PIP4K2A: variants seen among roughly 807,000 people sequenced by gnomAD.
PIP4K2A encodes the protein phosphatidylinositol 5-phosphate 4-kinase type-2 alpha.
A neutral mutation model predicts 42.9 loss-of-function variants in PIP4K2A; 14 were observed. The ratio of observed to expected loss-of-function variants is 0.33; its 90% CI spans 0.22 to 0.51. The LOEUF (loss-of-function observed/expected upper bound fraction) is 0.51, where lower values mean the gene tolerates loss of function less well. Ranked by LOEUF, PIP4K2A falls within the 20% of genes least tolerant of loss-of-function variation. The pLI, the probability that PIP4K2A is intolerant of heterozygous loss-of-function variation, is 0.97. For synonymous variants in PIP4K2A, 192 were observed against 192.2 expected (o/e 1.00, Z 0.01); for missense variants, 434 against 519.8 (o/e 0.83, Z 1.61).
chr10:22,660,959 T>C (rs1324385891), intron 1 of PIP4K2A, among the ~76,000 whole-genome samples: 2 of 152,128 alleles, frequency 1.3e-5, no homozygotes, highest in African/African-American at 2.4e-5. Flanking sequence ...TGTAGGTTCA[T>C]CAATTGTAAC....
intron 3 of PIP4K2A, among the ~76,000 whole-genome samples, chr10:22,600,502 G>C (rs975304514): frequency 1.3e-5 from 2 of 152,058 alleles, no homozygotes; most frequent in Non-Finnish European, 2.9e-5. Flanking sequence ...AGTATCTCAT[G>C]GTCACAGCAT....
At chr10:22,631,006 C>T (rs528130548) in intron 1 of PIP4K2A, among the ~76,000 whole-genome samples, 24 of 152,272 alleles carry the variant, frequency 1.6e-4, no homozygotes, top group African/African-American at 5.8e-4. Context: ...AAAATGACAG[C>T]TTCTCGCGAT....
rs1554791590 is a variant in PIP4K2A, at chr10:22,536,724, A to AAAAAAAAAAAAAAAAAAAAAC, written c.*476_*477insGTTTTTTTTTTTTTTTTTTTT. The AAAAAAAAAAAAAAAAAAAAAC allele has an allele frequency of 1.5e-5, 2 of 136,826 alleles. No individual in the cohort carries two copies. Among genetic ancestry groups the AAAAAAAAAAAAAAAAAAAAAC allele is most frequent in the Admixed American group, 7.4e-5 (1 of 13,600 alleles). The allele number at this position is 136,826 out of a possible 1,614,324, so 8.5% of individuals were successfully genotyped here. On this transcript the variant is annotated 3_prime_UTR_variant, in exon 10 of 10. Transcript: ENST00000376573. ...CACATCTTTCAACTCCAAAAAAAAAAAAAAAAAAAAAAAACTGATCCACAG... is the reference window on the plus strand; with the variant it reads ...CACATCTTTCAACTCCAAAAAAAAAAAAAAAAAAAAAAAAAAAAAACAAAAAAAAAAAAAACTGATCCACAG...
chr10:22,582,032 C>T (rs1426253069), intron 4 of PIP4K2A, among the ~76,000 whole-genome samples: 1 of 152,008 alleles, frequency 6.6e-6, no homozygotes, highest in East Asian at 1.9e-4. Flanking sequence ...AGTAGGATCA[C>T]TTGAGGCTGC....
intron 1 of PIP4K2A, among the ~76,000 whole-genome samples, chr10:22,653,375 G>GT (rs1278765957): frequency 6.6e-6 from 1 of 152,076 alleles, no homozygotes; most frequent in Non-Finnish European, 1.5e-5. Flanking sequence ...GCAGGATACC[G>GT]TAAGACCCTG....
intron 1 of PIP4K2A, among the ~76,000 whole-genome samples, chr10:22,695,647 G>C (rs1839954943): frequency 6.6e-6 from 1 of 152,050 alleles, no homozygotes; most frequent in African/African-American, 2.4e-5. Context: ...TGGGGGATTG[G>C]TTCCAGGACT....
intron 1 of PIP4K2A, among the ~76,000 whole-genome samples, chr10:22,696,100 A>G (rs1839966691): frequency 6.6e-6 from 1 of 152,224 alleles, no homozygotes; most frequent in South Asian, 2.1e-4. Flanking sequence ...TTAAAACCAC[A>G]CTGGCTATGT....
chr10:22,648,548 C>G (rs1405615247), intron 1 of PIP4K2A, among the ~76,000 whole-genome samples: 1 of 152,192 alleles, frequency 6.6e-6, no homozygotes, highest in Non-Finnish European at 1.5e-5. Context: ...CTGGAAAACA[C>G]TCTTCCTGTC....
intron 6 of PIP4K2A, among the ~76,000 whole-genome samples, chr10:22,556,170 G>C (rs913455766): frequency 6.6e-6 from 1 of 152,154 alleles, no homozygotes; most frequent in Non-Finnish European, 1.5e-5. Flanking sequence ...GGCAAAGTTA[G>C]TATTTCATTT....
intron 1 of PIP4K2A, among the ~76,000 whole-genome samples, chr10:22,687,552 C>T (rs990645204): frequency 2.0e-5 from 3 of 152,054 alleles, no homozygotes; most frequent in African/African-American, 4.8e-5. Context: ...CAGACACACA[C>T]ACACACACAC....
chr10:22,581,534 C>T (rs1399314902), intron 4 of PIP4K2A, among the ~76,000 whole-genome samples: 2 of 118,108 alleles, frequency 1.7e-5, no homozygotes, highest in Non-Finnish European at 3.3e-5. Flanking sequence ...AGTTTGAGAT[C>T]AGCCAGGGCA....
intron 7 of PIP4K2A, among the ~76,000 whole-genome samples, chr10:22,542,680 T>C (rs1358015357): frequency 6.6e-6 from 1 of 152,196 alleles, no homozygotes; most frequent in African/African-American, 2.4e-5. Context: ...GAACATAATG[T>C]GGGGGCAAGA....
At chr10:22,537,596 G>A (rs1835970180) in intron 9 of PIP4K2A, among the ~76,000 whole-genome samples, 1 of 152,182 alleles carries the variant, frequency 6.6e-6, no homozygotes, top group Non-Finnish European at 1.5e-5. Flanking sequence ...CTATCAAAGA[G>A]TGGAATTGTT....
chr10:22,591,574 A>G, intron 4 of PIP4K2A, 55 bp downstream of exon 4: 1 of 1,365,306 alleles, frequency 7.3e-7, no homozygotes, highest in South Asian at 1.4e-5. Flanking sequence ...TTGGTGAGAA[A>G]TCGCTACGCA....
At chr10:22,708,721 G>A (rs967613425) in intron 1 of PIP4K2A, among the ~76,000 whole-genome samples, 1 of 152,174 alleles carries the variant, frequency 6.6e-6, no homozygotes, top group Non-Finnish European at 1.5e-5. Context: ...CCGAGAGTAT[G>A]ATAAATGCAC....
intron 3 of PIP4K2A, among the ~76,000 whole-genome samples, chr10:22,597,471 T>C (rs1837660022): frequency 6.6e-6 from 1 of 152,198 alleles, no homozygotes; most frequent in Non-Finnish European, 1.5e-5. Context: ...CTTGTTTTCC[T>C]CCTGTCACTG....
intron 1 of PIP4K2A, among the ~76,000 whole-genome samples, chr10:22,637,968 T>C (rs953160014): frequency 6.6e-6 from 1 of 152,228 alleles, no homozygotes; most frequent in Non-Finnish European, 1.5e-5. Flanking sequence ...GATGTATAAG[T>C]GAATACTATC....
At chr10:22,552,878 G>A (rs1405791181) in intron 6 of PIP4K2A, among the ~76,000 whole-genome samples, 1 of 152,110 alleles carries the variant, frequency 6.6e-6, no homozygotes, top group Non-Finnish European at 1.5e-5. Flanking sequence ...AGGGTAGAGG[G>A]TGTTTTTTTC....
chr10:22,579,657 G>A (rs1174411421), intron 4 of PIP4K2A, among the ~76,000 whole-genome samples: 1 of 152,130 alleles, frequency 6.6e-6, no homozygotes, highest in African/African-American at 2.4e-5. Flanking sequence ...TGTAATCCCA[G>A]CACTTTGGGA....
Sources: gnomAD v4.1 joint callset for allele counts (sites outside exome capture counted in the v4.1 genomes callset) on GRCh38, gnomAD v4.1.1 for gene constraint, MANE v1.5 for transcripts, NCBI Gene and HGNC (gene_info 2026-07-23, HGNC 2026-07-21) for gene names.